COL14A1: variants seen among roughly 807,000 people sequenced by gnomAD.
The protein encoded by COL14A1 is collagen alpha-1(XIV) chain.
A neutral mutation model predicts 230.3 loss-of-function variants in COL14A1; 136 were observed. That is an observed-to-expected ratio of 0.59 (90% CI 0.51 to 0.68). COL14A1 has a LOEUF of 0.68. Among genes scored for constraint, COL14A1 ranks in the 30% least tolerant of loss-of-function variants. The pLI, the probability that COL14A1 is intolerant of heterozygous loss-of-function variation, is 0.00. For missense variants in COL14A1, 1,976 were observed against 2,215.8 expected, an observed-to-expected ratio of 0.89 and a Z score of 2.17; for synonymous variants, 792 against 784.1, an observed-to-expected ratio of 1.01 and a Z score of -0.17.
intron 45 of COL14A1, among the ~76,000 whole-genome samples, chr8:120,362,874 G>T (rs1823269155): frequency 6.6e-6 from 1 of 152,144 alleles, no homozygotes. Flanking sequence ...AGAAAACTAA[G>T]GGTATTTTAA....
intron 5 of COL14A1, among the ~76,000 whole-genome samples, chr8:120,193,991 C>T (rs1816935467): frequency 6.6e-6 from 1 of 152,224 alleles, no homozygotes; most frequent in Non-Finnish European, 1.5e-5. Flanking sequence ...TCCCTGACCC[C>T]TTGCGCTTCC....
At chr8:120,207,840 C>CAA (rs35971998) in intron 10 of COL14A1, among the ~76,000 whole-genome samples, 3 of 116,910 alleles carry the variant, frequency 2.6e-5, no homozygotes, top group African/African-American at 6.0e-5. Context: ...TCATTTGGAC[C>CAA]AAAAAAAAAA....
chr8:120,353,724 TA>T (rs1822861534), intron 45 of COL14A1, among the ~76,000 whole-genome samples: 1 of 150,176 alleles, frequency 6.7e-6, no homozygotes, highest in East Asian at 2.0e-4. Context: ...TGGTAATCAT[TA>T]AAAAGTCAGG....
chr8:120,246,553 A>G (rs1449472971), intron 20 of COL14A1, among the ~76,000 whole-genome samples: 1 of 152,236 alleles, frequency 6.6e-6, no homozygotes, highest in East Asian at 1.9e-4. Context: ...TTACCTAGCG[A>G]GGTAAATACT....
chr8:120,131,413 TGA>T (rs1262914589), intron 1 of COL14A1, among the ~76,000 whole-genome samples: 1 of 151,912 alleles, frequency 6.6e-6, no homozygotes, highest in East Asian at 1.9e-4. Flanking sequence ...CTGATTGGTG[TGA>T]GATAGTATCT....
At chr8:120,206,848 T>A in intron 9 of COL14A1, 95 bp from the exon 10 acceptor site, 1 of 1,240,276 alleles carries the variant, frequency 8.1e-7, no homozygotes, top group Non-Finnish European at 1.1e-6. Flanking sequence ...AGAGGCAGCA[T>A]AAAATCAATA....
In COL14A1 at chr8:120,287,442, A is replaced by T. The variant is rs562217618; in HGVS notation, c.4077+1472A>T. ...GTATTGCAAAATAGTAAAAAATAAA[A>T]TTGTTTGGGAGATGAAAAGCGTTTG... On this transcript the variant is annotated intron_variant, in intron 33 of 47. Coordinates refer to ENST00000297848, the MANE Select transcript of COL14A1 (RefSeq NM_021110.4). Among the ~76,000 whole-genome samples, 17 of 152,284 alleles carry T rather than the reference A, an allele frequency of 1.1e-4. No individual in the cohort carries two copies. The South Asian group carries it at 3.5e-3, about 32-fold the overall frequency.
At position 120,346,711 on chromosome 8, in the gene COL14A1, T is replaced by C. The variant is rs1302767934; in HGVS notation, c.5077+1148T>C. Among the ~76,000 whole-genome samples the C allele has an allele frequency of 2.0e-5, 3 of 152,310 alleles. No individual in the cohort carries two copies. In the East Asian group the frequency reaches 5.8e-4, roughly 29 times the overall value. ...GCTGTCTTATGCATGAAATTGTTAT[T>C]GATCACCCCAGAACCCAAATGTCTC... On this transcript the variant is annotated intron_variant, in intron 45 of 47. Transcript: ENST00000297848.
In COL14A1 at chr8:120,358,806, A is replaced by G. The variant is rs188081339; in HGVS notation, c.5078-8365A>G. Among the ~76,000 whole-genome samples the G allele has an allele frequency of 1.0e-3, 153 of 152,308 alleles. 4 individuals carry two copies. In the East Asian group the frequency reaches 0.023, roughly 23 times the overall value. ...TAAAGTTGTTTGTATTAGCTGTGAT[A>G]AAACATTTTTGGTGAATTTTTTGAC... On this transcript the variant is annotated intron_variant, in intron 45 of 47. Coordinates refer to ENST00000297848, the MANE Select transcript of COL14A1 (RefSeq NM_021110.4).
At chr8:120,192,884 C>T (rs1339711078) in intron 5 of COL14A1, among the ~76,000 whole-genome samples, 2 of 151,960 alleles carry the variant, frequency 1.3e-5, no homozygotes, top group East Asian at 1.9e-4. Context: ...CGAGCCTTGG[C>T]TTTTAGCTCC....
rs779378321 is a variant in COL14A1, at chr8:120,278,455, C to T, written c.3358C>T (p.Arg1120Ter). 2 of 1,612,070 alleles carry T rather than the reference C, an allele frequency of 1.2e-6. No homozygotes were observed. The highest frequency in any genetic ancestry group is 1.7e-5 in the Admixed American group (1 of 59,782). ...TTCAGGAAAAGCAATTAAGTATGTTCGAGATACCTTGTTCACTGCAGAGTC... is the reference window on the plus strand; with the variant it reads ...TTCAGGAAAAGCAATTAAGTATGTTTGAGATACCTTGTTCACTGCAGAGTC... ...TKTGKAIKYVRDTLFTAESGT... is the reference protein window; with the variant it reads ...TKTGKAIKYV The change falls in exon 28 of 48, where the codon CGA (arginine) becomes TGA (stop). Residue 1120 changes from arginine to a stop codon, truncating the protein, a stop_gained. Transcript: ENST00000297848. LOFTEE classifies it high-confidence loss of function.
intron 34 of COL14A1, among the ~76,000 whole-genome samples, chr8:120,296,929 T>G (rs1820547357): frequency 6.6e-6 from 1 of 151,994 alleles, no homozygotes; most frequent in Admixed American, 6.6e-5. Context: ...TTCTTCTAGG[T>G]CAGGACTATG....
intron 36 of COL14A1, 115 bp from the exon 37 acceptor site, chr8:120,309,894 T>A: frequency 2.2e-6 from 2 of 915,090 alleles, no homozygotes; most frequent in Non-Finnish European, 3.4e-6. Context: ...TATTACACAG[T>A]GTGTTGGCCT....
At chr8:120,230,676 A>G (rs541572330) in intron 18 of COL14A1, among the ~76,000 whole-genome samples, 3 of 152,200 alleles carry the variant, frequency 2.0e-5, no homozygotes, top group African/African-American at 4.8e-5. Context: ...TGACACTTTT[A>G]CTATTTTTGT....
chr8:120,281,702 T>C (rs1563715507), intron 31 of COL14A1, among the ~76,000 whole-genome samples: 1 of 152,094 alleles, frequency 6.6e-6, no homozygotes, highest in African/African-American at 2.4e-5. Flanking sequence ...ATTTTACAGA[T>C]AATGAATCAG....
chr8:120,227,267 GC>G lies in COL14A1; in HGVS notation c.2055del (p.Gly686ValfsTer21), dbSNP rs2130806403. On this transcript the variant is annotated frameshift_variant, in exon 17 of 48. Transcript: ENST00000297848. LOFTEE classifies it high-confidence loss of function. The part of the protein sequence containing the change: ...QDSHVIEGLE[P>X]GTEYEVSLLA... ...ACTCACATGTTATTGAAGGCCTGGA[GC>G]CCGGTACGGAGTATGAAGTTTCACT... is the stretch of plus-strand genomic sequence containing the variant. The G allele has an allele frequency of 6.2e-7, 1 of 1,614,020 alleles. No homozygotes were observed. Among genetic ancestry groups the G allele is most frequent in the Non-Finnish European group, 8.5e-7 (1 of 1,179,986 alleles).
chr8:120,322,751 G>A (rs978149078), intron 40 of COL14A1, among the ~76,000 whole-genome samples: 5 of 151,788 alleles, frequency 3.3e-5, no homozygotes, highest in Non-Finnish European at 5.9e-5. Flanking sequence ...TGGCTGCATA[G>A]TATTCTATGG....
chr8:120,136,143 G>A (rs1006661018), intron 1 of COL14A1, among the ~76,000 whole-genome samples: 3 of 151,970 alleles, frequency 2.0e-5, no homozygotes, highest in African/African-American at 7.3e-5. Context: ...GTACAGTGTT[G>A]AGTGGAACTA....
chr8:120,294,483 G>C (rs1310863378), intron 34 of COL14A1, among the ~76,000 whole-genome samples: 2 of 147,136 alleles, frequency 1.4e-5, no homozygotes, highest in East Asian at 2.0e-4. Flanking sequence ...TTTTCAGTGA[G>C]TTACAAAAAC....
Sources: allele counts gnomAD v4.1 joint callset (sites outside exome capture counted in the v4.1 genomes callset), GRCh38; gene constraint gnomAD v4.1.1; transcripts MANE v1.5; gene names NCBI Gene and HGNC (gene_info 2026-07-23, HGNC 2026-07-21).